ZNF70: variants seen among roughly 807,000 people sequenced by gnomAD.
ZNF70 encodes zinc finger protein N27C7-1.
ZNF70 carries 18 observed loss-of-function variants against 37.7 expected under a neutral mutation model. The observed-to-expected ratio is 0.48, with a 90% CI of 0.33 to 0.71. The LOEUF (loss-of-function observed/expected upper bound fraction) is 0.71. Ranked by LOEUF, ZNF70 falls within the 30% of genes least tolerant of loss-of-function variation. The pLI, the probability that ZNF70 is intolerant of heterozygous loss-of-function variation, is 0.02. For synonymous variants in ZNF70, 219 were observed against 220.1 expected, an observed-to-expected ratio of 0.99 and a Z score of 0.05; for missense variants, 506 against 568.6, an observed-to-expected ratio of 0.89 and a Z score of 1.12.
At position 23,744,162 on chromosome 22, in the gene ZNF70, G is replaced by C; in HGVS notation, c.979C>G (p.Arg327Gly). The change falls in exon 2 of 2, where the codon CGC becomes GGC. Residue 327 changes from arginine to glycine, a missense_variant. By Grantham distance (125) the Arg-to-Gly change is moderately radical. Transcript: ENST00000341976. ...FSQSSNLIEH[R>G]KTHTGEKPYK... The stretch of plus-strand genomic sequence containing the variant: ...GGCTTCTCGCCAGTGTGGGTCTTGC[G>C]GTGCTCAATGAGGTTGGAGCTCTGG... 6.2e-7 allele frequency: 1 copy of C among 1,614,080 alleles called. No individual in the cohort carries two copies. The highest frequency in any genetic ancestry group is 8.5e-7 in the Non-Finnish European group (1 of 1,180,014).
At chr22:23,745,977 G>T (rs899890866) in intron 1 of ZNF70, among the ~76,000 whole-genome samples, 2 of 152,104 alleles carry the variant, frequency 1.3e-5, no homozygotes, top group African/African-American at 4.8e-5. Context: ...TCACCCGACC[G>T]GTCCCCTCTT....
At position 23,741,499 on chromosome 22, in the gene ZNF70, C is replaced by T. The variant is rs1924873046; in HGVS notation, c.*2301G>A. On this transcript the variant is annotated 3_prime_UTR_variant, in exon 2 of 2. Transcript: ENST00000341976. ...AGACAGGGGCTGGACAGAGGCATGGCTGGAACTCCCACCATGACCTCTCCA... is the reference window on the plus strand; with the variant it reads ...AGACAGGGGCTGGACAGAGGCATGGTTGGAACTCCCACCATGACCTCTCCA... The T allele has an allele frequency of 1.3e-5, 2 of 152,234 alleles. No homozygotes were observed. Among genetic ancestry groups the T allele is most frequent in the Admixed American group, 1.3e-4 (2 of 15,282 alleles). The allele number at this position is 152,234 out of a possible 1,614,324, so 9.4% of individuals were successfully genotyped here. A position where few individuals can be genotyped will look rare whatever the true frequency, so the allele number is the denominator to read the frequency against.
At chr22:23,745,292 A>T (rs968645712) in intron 1 of ZNF70, 73 bp from the exon 2 acceptor site, 3 of 765,280 alleles carry the variant, frequency 3.9e-6, no homozygotes, top group Non-Finnish European at 6.3e-6. Flanking sequence ...CATATCCTAG[A>T]ATCTATGGTA....
At chr22:23,745,972 C>G (rs993721488) in intron 1 of ZNF70, among the ~76,000 whole-genome samples, 1 of 152,124 alleles carries the variant, frequency 6.6e-6, no homozygotes, top group Non-Finnish European at 1.5e-5. Context: ...TATTCTCACC[C>G]GACCGGTCCC....
chr22:23,750,646 C>G (rs1925294054), intron 1 of ZNF70, 65 bp downstream of exon 1: 1 of 152,318 alleles, frequency 6.6e-6, no homozygotes, highest in Admixed American at 6.5e-5. Flanking sequence ...CTTTATCTGT[C>G]TCCCACAACA....
Position 23,751,074 on chromosome 22 carries a change from G to T in ZNF70, c.-443C>A, listed in dbSNP as rs1925314226. 2 of 151,836 alleles carry T rather than the reference G, an allele frequency of 1.3e-5. No individual in the cohort carries two copies. Among genetic ancestry groups the T allele is most frequent in the African/African-American group, 4.8e-5 (2 of 41,398 alleles). The allele number at this position is 151,836 out of a possible 1,614,324, so 9.4% of individuals were successfully genotyped here. On this transcript the variant is annotated 5_prime_UTR_variant, in exon 1 of 2. Coordinates refer to ENST00000341976, the MANE Select transcript of ZNF70 (RefSeq NM_021916.4). ...TGAGCTGCTCCAACCCGCGGCCGAC[G>T]CGGCCGACGCTGCCTGGCTCCACAG...
chr22:23,747,826 AAAAT>A (rs1342306181), intron 1 of ZNF70, among the ~76,000 whole-genome samples: 4 of 152,132 alleles, frequency 2.6e-5, no homozygotes, highest in South Asian at 2.1e-4. Context: ...TCCGTCTCAA[AAAAT>A]AAATAAATAA....
Position 23,744,267 on chromosome 22 carries a change from T to A in ZNF70, c.874A>T (p.Arg292Trp), listed in dbSNP as rs76794180. ...CDLCGKAFCHRSHLIRHQRIH... is the reference protein window; with the variant it reads ...CDLCGKAFCHWSHLIRHQRIH... ...CGCTGGTGTCGGATGAGGTGTGACC[T>A]GTGACAAAAGGCTTTCCCACAGAGA... Residue 292 changes from arginine (R) to tryptophan (W), a missense_variant, in exon 2 of 2, where the codon AGG becomes TGG. Arg to Trp is a moderately radical substitution (Grantham distance 101, BLOSUM62 -3). Transcript: ENST00000341976. 4 of 1,613,294 alleles carry A rather than the reference T, an allele frequency of 2.5e-6. No individual in the cohort carries two copies. Among genetic ancestry groups the A allele is most frequent in the Non-Finnish European group, 3.4e-6 (4 of 1,179,792 alleles).
In ZNF70 at chr22:23,744,110, G is replaced by A. The variant is rs1973985529; in HGVS notation, c.1031C>T (p.Ala344Val). The A allele has an allele frequency of 8.1e-6, 13 of 1,614,002 alleles. No homozygotes were observed. The highest frequency in any genetic ancestry group is 1.1e-5 in the Non-Finnish European group (13 of 1,179,998). ...KPYKCQKCGK[A>V]FSQSSSLIEH... is the part of the protein sequence containing the mutation. Reference sequence around the variant, plus strand: ...AATGAGGGAGGAGCTCTGGCTGAAGGCTTTCCCACACTTCTGGCATTTGTA... The same window carrying A: ...AATGAGGGAGGAGCTCTGGCTGAAGACTTTCCCACACTTCTGGCATTTGTA... Residue 344 changes from alanine to valine, a missense_variant, in exon 2 of 2, where the codon GCC (alanine) becomes GTC (valine). Transcript: ENST00000341976.
chr22:23,744,967 T>C lies in ZNF70; in HGVS notation c.174A>G (p.Glu58=), dbSNP rs1288837850. ...AATTCCCCTCGTAATCATCATTTTCTTCGTCCTGCTCACCAAGAGGGATCT... is the reference window on the plus strand; with the variant it reads ...AATTCCCCTCGTAATCATCATTTTCCTCGTCCTGCTCACCAAGAGGGATCT... ...YKEIPLGEQD[E]ENDDYEGNFS... The change falls in exon 2 of 2, where the codon GAA becomes GAG. Residue 58 remains glutamate (E), a synonymous_variant. Transcript: ENST00000341976. 2.5e-6 allele frequency: 4 copies of C among 1,614,210 alleles called. 1 individual carries two copies. The highest frequency in any genetic ancestry group is 3.4e-6 in the Non-Finnish European group (4 of 1,180,042).
At chr22:23,750,310 T>C (rs1353835927) in intron 1 of ZNF70, among the ~76,000 whole-genome samples, 1 of 152,182 alleles carries the variant, frequency 6.6e-6, no homozygotes, top group Non-Finnish European at 1.5e-5. Flanking sequence ...TCCTGTTCAT[T>C]TTCCTTAGTT....
chr22:23,749,112 C>A (rs12163444), intron 1 of ZNF70, among the ~76,000 whole-genome samples: 15,736 of 151,384 alleles, frequency 0.1, 981 homozygotes, highest in East Asian at 0.33. Context: ...CCTCTAATCC[C>A]AGCACTTTGG....
At chr22:23,749,179 G>A (rs1193859394) in intron 1 of ZNF70, among the ~76,000 whole-genome samples, 1 of 151,524 alleles carries the variant, frequency 6.6e-6, no homozygotes, top group Non-Finnish European at 1.5e-5. Context: ...TGGCCAAGAT[G>A]GTGAAACCCC....
chr22:23,744,022 A>G lies in ZNF70; in HGVS notation c.1119T>C (p.Phe373=). The G allele has an allele frequency of 1.9e-6, 3 of 1,613,890 alleles. No individual in the cohort carries two copies. Among genetic ancestry groups the G allele is most frequent in the Non-Finnish European group, 2.5e-6 (3 of 1,179,948 alleles). The change falls in exon 2 of 2, where the codon TTT becomes TTC. Residue 373 remains phenylalanine (F), a synonymous_variant. Transcript: ENST00000341976. ...PYECCQCGKA[F]CHSSALIQHQ... The stretch of plus-strand genomic sequence containing the variant: ...GCTGGATCAGCGCAGAGCTGTGGCA[A>G]AAGGCCTTGCCACACTGACAGCACT...
intron 1 of ZNF70, among the ~76,000 whole-genome samples, chr22:23,749,527 CAAAAAAAAAAA>C (rs61374101): frequency 0.013 from 302 of 24,110 alleles, 2 homozygotes; most frequent in Non-Finnish European, 0.019. Context: ...GACTCCGTCT[CAAAAAAAAAAA>C]AAAAAAAAAA....
chr22:23,745,185 G>T lies in ZNF70; in HGVS notation c.-45C>A, dbSNP rs1925079843. On this transcript the variant is annotated 5_prime_UTR_variant, in exon 2 of 2. Transcript: ENST00000341976. ...CCAATGGTTGTATTTCTTTAAAAAT[G>T]TTCTTCTTTGGGCCACACTTACTGT... 3 of 1,568,674 alleles carry T rather than the reference G, an allele frequency of 1.9e-6. No homozygotes were observed. The African/African-American group carries it at 4.1e-5, about 21-fold the overall frequency.
At position 23,743,403 on chromosome 22, in the gene ZNF70, G is replaced by GT. The variant is rs1569133951; in HGVS notation, c.*396dup. 2 of 190,806 alleles carry GT rather than the reference G, an allele frequency of 1.0e-5. No individual in the cohort carries two copies. The highest frequency in any genetic ancestry group is 4.7e-5 in the African/African-American group (2 of 42,386). 11.8% of individuals were successfully genotyped at this position (190,806 alleles called of 1,614,324 possible). A position where few individuals can be genotyped will look rare whatever the true frequency, so the allele number is the denominator to read the frequency against. ...TTCTAAAAGTGCCAGACTGCAGCCT[G>GT]TTTTAAAGAGTTCTTCTGATATTTT... is the stretch of plus-strand genomic sequence containing the variant. On this transcript the variant is annotated 3_prime_UTR_variant, in exon 2 of 2. Transcript: ENST00000341976.
rs2275976 is a variant in ZNF70 at position 23,743,803 on chromosome 22, T to C, written c.1338A>G (p.Leu446=). 613 of 1,612,068 alleles carry C rather than the reference T, an allele frequency of 3.8e-4. 3 individuals are homozygous for C. The East Asian group carries it at 0.011, about 30-fold the overall frequency. Reference sequence around the variant, plus strand: ...AGCTTTGTGTGGGCTCCTCTTTCTATAGCTTCTCCCCAGAATGAATCTTCT... The same window carrying C: ...AGCTTTGTGTGGGCTCCTCTTTCTACAGCTTCTCCCCAGAATGAATCTTCT... ...RHQKIHSGEK[L] is the part of the protein sequence containing the mutation. Residue 446 remains leucine, a synonymous_variant, in exon 2 of 2, where the codon CTA becomes CTG. Coordinates refer to ENST00000341976, the MANE Select transcript of ZNF70 (RefSeq NM_021916.4).
intron 1 of ZNF70, among the ~76,000 whole-genome samples, chr22:23,748,294 C>A (rs1035585177): frequency 6.6e-6 from 1 of 152,010 alleles, no homozygotes; most frequent in Non-Finnish European, 1.5e-5. Context: ...GGCTGGAGTG[C>A]AGGAGTAGAA....
Sources: gnomAD v4.1 joint callset for allele counts (sites outside exome capture counted in the v4.1 genomes callset) on GRCh38, gnomAD v4.1.1 for gene constraint, MANE v1.5 for transcripts, NCBI Gene and HGNC (gene_info 2026-07-23, HGNC 2026-07-21) for gene names.